The following SLC9C2 variants were observed in gnomAD, a reference collection of about 807,000 sequenced individuals.
SLC9C2 encodes the protein solute carrier family 9 member C2 (putative), also known as sodium/hydrogen exchanger 11.
A neutral mutation model predicts 140.2 loss-of-function variants in SLC9C2; 75 were observed. The observed-to-expected ratio is 0.53, with a 90% confidence interval of 0.44 to 0.65. The LOEUF (loss-of-function observed/expected upper bound fraction) is 0.65. SLC9C2 is among the 30% of genes least tolerant of loss of function. The pLI is 0.00. For missense variants in SLC9C2, 1,074 were observed against 1,331.8 expected (o/e 0.81, Z 3.01); for synonymous variants, 375 against 420.9 (o/e 0.89, Z 1.34).
At chr1:173,594,277 T>G (rs901992084) in intron 4 of SLC9C2, among the ~76,000 whole-genome samples, 2 of 152,186 alleles carry the variant, frequency 1.3e-5, no homozygotes, top group African/African-American at 4.8e-5. Flanking sequence ...AACAGCAATA[T>G]ACTATATAGT....
chr1:173,601,973 C>T (rs1571654822), intron 1 of SLC9C2, 118 bp from the exon 2 acceptor site: 2 of 617,824 alleles, frequency 3.2e-6, no homozygotes, highest in East Asian at 5.8e-5. Context: ...ACAGGGCACA[C>T]ATTAATACCT....
intron 19 of SLC9C2, among the ~76,000 whole-genome samples, chr1:173,525,294 T>C (rs566402071): frequency 1.3e-5 from 2 of 152,312 alleles, no homozygotes; most frequent in South Asian, 4.1e-4. Flanking sequence ...ACAATGAAAG[T>C]ACCCCTGGAC....
chr1:173,508,334 T>A (rs200436358), intron 24 of SLC9C2, among the ~76,000 whole-genome samples: 6 of 151,186 alleles, frequency 4.0e-5, no homozygotes, highest in East Asian at 2.0e-4. Context: ...ACAATTTTTT[T>A]AATGTTTTAT....
intron 11 of SLC9C2, among the ~76,000 whole-genome samples, chr1:173,553,516 TG>T (rs1211165637): frequency 6.6e-6 from 1 of 152,236 alleles, no homozygotes; most frequent in Non-Finnish European, 1.5e-5. Flanking sequence ...ACCACCACCC[TG>T]ATCTGATCAG....
intron 13 of SLC9C2, among the ~76,000 whole-genome samples, chr1:173,545,694 C>A (rs905571419): frequency 1.5e-4 from 23 of 152,216 alleles, no homozygotes; most frequent in African/African-American, 5.3e-4. Context: ...TTTTTGGGTT[C>A]TTGGAAAAGG....
Position 173,506,953 on chromosome 1 carries a change from G to T in SLC9C2, c.3128C>A (p.Thr1043Asn), listed in dbSNP as rs114102564. 1.9e-3 allele frequency: 3,061 copies of T among 1,612,992 alleles called. 58 individuals are homozygous for T. The African/African-American group carries it at 0.038, about 20-fold the overall frequency. ...ATACACAATGATAACAAATTTCATG[G>T]TCATATTATCAATAATCATGTCACT... ...SYSDMIIDNM[T>N]MKFVIIVYGS... The change falls in exon 25 of 28, where the codon ACC becomes AAC. Residue 1043 changes from threonine to asparagine, a missense_variant. Coordinates refer to ENST00000367714, the MANE Select transcript of SLC9C2 (RefSeq NM_178527.4).
chr1:173,517,095 T>C (rs186301379), intron 23 of SLC9C2, among the ~76,000 whole-genome samples: 14 of 152,358 alleles, frequency 9.2e-5, no homozygotes, highest in Middle Eastern at 6.8e-3. Flanking sequence ...ATATGCTTAT[T>C]GGCCACATGT....
chr1:173,601,483 G>T (rs1666779487), intron 2 of SLC9C2, among the ~76,000 whole-genome samples, 167 bp downstream of exon 2: 1 of 152,146 alleles, frequency 6.6e-6, no homozygotes, highest in Non-Finnish European at 1.5e-5. Context: ...CAGGAATATA[G>T]AATAGACACT....
At chr1:173,554,520 C>G (rs907104583) in intron 11 of SLC9C2, among the ~76,000 whole-genome samples, 6 of 152,220 alleles carry the variant, frequency 3.9e-5, no homozygotes, top group Non-Finnish European at 5.9e-5. Context: ...AAAAAACCTT[C>G]TGTCTTGTTT....
At chr1:173,503,476 C>G in intron 26 of SLC9C2, 150 bp from the exon 27 acceptor site, 1 of 720,200 alleles carries the variant, frequency 1.4e-6, no homozygotes, top group South Asian at 1.9e-5. Flanking sequence ...TTTCTTCCCT[C>G]AGAGGTTCGT....
Position 173,581,945 on chromosome 1 carries a change from C to T in SLC9C2, c.704G>A (p.Cys235Tyr), listed in dbSNP as rs756203293. ...CAATATACACTGAATGATTTTTGCA[C>T]ACCAATATCCAAATATTATGCTTCC... ...ILGSIIFGYWCAKIIQCILAD... is the reference protein window; with the variant it reads ...ILGSIIFGYWYAKIIQCILAD... The change falls in exon 7 of 28, where the codon TGT becomes TAT. Residue 235 changes from cysteine (C) to tyrosine (Y), a missense_variant. By Grantham distance (194) the Cys-to-Tyr change is radical (BLOSUM62 -2). Transcript: ENST00000367714. The T allele has an allele frequency of 8.1e-6, 13 of 1,605,550 alleles. No homozygotes were observed. The East Asian group carries it at 2.7e-4, about 33-fold the overall frequency.
chr1:173,597,896 G>T lies in SLC9C2; in HGVS notation c.357+8C>A. 6.3e-7 allele frequency: 1 copy of T among 1,577,312 alleles called. No individual in the cohort carries two copies. Among genetic ancestry groups the T allele is most frequent in the Non-Finnish European group, 8.6e-7 (1 of 1,162,842 alleles). ...ATTGATCGTACTTTGTTTTAAATGT[G>T]TTCTTACCTGCCAAAACATTTTCTT... On this transcript the variant is annotated splice_region_variant and intron_variant, in intron 4 of 27. Transcript: ENST00000367714.
At chr1:173,533,850 G>A (rs935552779) in intron 16 of SLC9C2, 53 bp from the exon 17 acceptor site, 3 of 1,479,206 alleles carry the variant, frequency 2.0e-6, no homozygotes, top group South Asian at 1.4e-5. Flanking sequence ...ATGTTGGGGG[G>A]AAGAAATCTA....
chr1:173,567,194 G>T (rs1664527031), intron 9 of SLC9C2, among the ~76,000 whole-genome samples: 1 of 151,974 alleles, frequency 6.6e-6, no homozygotes, highest in African/African-American at 2.4e-5. Flanking sequence ...TTTGTTCCAT[G>T]GTGCAAATTA....
chr1:173,557,325 C>A lies in SLC9C2; in HGVS notation c.1215+15G>T. ...ATGATAAATATGAATAATCATGAGA[C>A]ATGATCTTTCCTACCATTTGTGGTA... is the stretch of plus-strand genomic sequence containing the variant. On this transcript the variant is annotated intron_variant, in intron 10 of 27. Coordinates refer to ENST00000367714, the MANE Select transcript of SLC9C2 (RefSeq NM_178527.4). 6.2e-7 allele frequency: 1 copy of A among 1,604,674 alleles called. No homozygotes were observed. The highest frequency in any genetic ancestry group is 8.5e-7 in the Non-Finnish European group (1 of 1,176,132).
At chr1:173,529,702 A>T (rs1160188278) in intron 18 of SLC9C2, among the ~76,000 whole-genome samples, 1 of 151,658 alleles carries the variant, frequency 6.6e-6, no homozygotes, top group Non-Finnish European at 1.5e-5. Context: ...CCATGAAGAT[A>T]ATAAATGAGT....
intron 9 of SLC9C2, among the ~76,000 whole-genome samples, chr1:173,565,219 T>C (rs1664397101): frequency 6.6e-6 from 1 of 152,156 alleles, no homozygotes. Context: ...TTATGTTATC[T>C]AATTTGTCCA....
intron 13 of SLC9C2, among the ~76,000 whole-genome samples, chr1:173,543,736 C>G (rs1394205238): frequency 1.3e-5 from 2 of 152,108 alleles, no homozygotes; most frequent in Non-Finnish European, 2.9e-5. Context: ...ACAAACCTGA[C>G]AAAAACAAGC....
At chr1:173,544,160 G>GA (rs1025901077) in intron 13 of SLC9C2, among the ~76,000 whole-genome samples, 3 of 151,936 alleles carry the variant, frequency 2.0e-5, no homozygotes, top group African/African-American at 7.3e-5. Flanking sequence ...AAATTTACAA[G>GA]AAAAAAATCA....
Sources: gnomAD v4.1 joint callset for allele counts (sites outside exome capture counted in the v4.1 genomes callset) on GRCh38, gnomAD v4.1.1 for gene constraint, MANE v1.5 for transcripts, NCBI Gene and HGNC (gene_info 2026-07-23, HGNC 2026-07-21) for gene names.